The following PDE11A variants were observed in gnomAD, a reference collection of about 807,000 sequenced individuals.
PDE11A encodes phosphodiesterase 11A.
A neutral mutation model predicts 100.5 loss-of-function variants in PDE11A; 100 were observed. That is an observed-to-expected ratio of 1.00 (90% CI 0.85 to 1.18). PDE11A has a LOEUF of 1.18. Ranked by LOEUF, PDE11A falls within the 50% of genes most tolerant of loss-of-function variation. The pLI, the probability that PDE11A is intolerant of heterozygous loss-of-function variation, is 0.00. For synonymous variants in PDE11A, 381 were observed against 420.8 expected, an observed-to-expected ratio of 0.91 and a Z score of 1.16; for missense variants, 1,141 against 1,152.6, an observed-to-expected ratio of 0.99 and a Z score of 0.15.
chr2:177,675,104 TA>T (rs3835949), intron 17 of PDE11A, among the ~76,000 whole-genome samples: 9,372 of 150,924 alleles, frequency 0.062, 390 homozygotes, highest in East Asian at 0.2. Context: ...TTTCAGATAT[TA>T]AAAAAAAAGA....
At chr2:177,805,705 T>C (rs1477397619) in intron 9 of PDE11A, among the ~76,000 whole-genome samples, 2 of 152,156 alleles carry the variant, frequency 1.3e-5, no homozygotes, top group African/African-American at 4.8e-5. Context: ...CCTGACAAAA[T>C]ATCATGAAAT....
intron 9 of PDE11A, among the ~76,000 whole-genome samples, chr2:177,802,709 C>T (rs773167855): frequency 9.2e-5 from 14 of 151,732 alleles, no homozygotes; most frequent in Admixed American, 1.3e-4. Context: ...ATCCTGGGGA[C>T]GGAGCAAAAG....
chr2:177,881,700 T>G (rs2084346196), intron 4 of PDE11A, among the ~76,000 whole-genome samples: 4 of 152,266 alleles, frequency 2.6e-5, no homozygotes, highest in Admixed American at 2.6e-4. Context: ...GCCTACCACC[T>G]GTTTTTATTA....
chr2:177,935,961 A>G (rs2085267257), intron 2 of PDE11A, among the ~76,000 whole-genome samples: 1 of 151,546 alleles, frequency 6.6e-6, no homozygotes, highest in Non-Finnish European at 1.5e-5. Context: ...ACATAAAATC[A>G]CTCCTCAACA....
chr2:177,850,852 G>T (rs1444842641), intron 5 of PDE11A, among the ~76,000 whole-genome samples: 1 of 152,054 alleles, frequency 6.6e-6, no homozygotes, highest in Admixed American at 6.5e-5. Context: ...TCTCACACCA[G>T]TTAGAATGGC....
chr2:178,059,472 G>T (rs1383765906), intron 1 of PDE11A, among the ~76,000 whole-genome samples: 1 of 152,186 alleles, frequency 6.6e-6, no homozygotes, highest in Non-Finnish European at 1.5e-5. Flanking sequence ...GGGTCGGGTG[G>T]CTGCCTGCAG....
chr2:177,663,204 G>A (rs748227838), intron 19 of PDE11A, among the ~76,000 whole-genome samples: 3 of 146,584 alleles, frequency 2.0e-5, no homozygotes, highest in Admixed American at 6.7e-5. Flanking sequence ...CATTCAAAGC[G>A]ACACTTTTCT....
intron 5 of PDE11A, among the ~76,000 whole-genome samples, chr2:177,869,643 CT>C (rs1241798233): frequency 1.3e-5 from 2 of 152,248 alleles, no homozygotes; most frequent in Non-Finnish European, 2.9e-5. Context: ...TCTGTAATCT[CT>C]TTGGCTTGTA....
At chr2:177,855,047 T>C (rs1388590920) in intron 5 of PDE11A, among the ~76,000 whole-genome samples, 1 of 152,148 alleles carries the variant, frequency 6.6e-6, no homozygotes, top group Non-Finnish European at 1.5e-5. Flanking sequence ...TTTAATGTTA[T>C]AAAGGTTTTC....
chr2:177,689,012 G>A (rs1225807324), intron 15 of PDE11A, among the ~76,000 whole-genome samples: 1 of 152,178 alleles, frequency 6.6e-6, no homozygotes, highest in African/African-American at 2.4e-5. Flanking sequence ...TCTACTGAAA[G>A]TCCATAAACA....
rs753089654 is a variant in PDE11A at position 177,898,106 on chromosome 2, C to T, written c.1254G>A (p.Leu418=). ...KKIMHRAQTL[L]KCERCSVLLL... ...GTAAAACAGAACAGCGTTCACATTT[C>T]AGCAGAGTTTGGGCCCGATGCATTA... is the stretch of plus-strand genomic sequence containing the variant. The change falls in exon 4 of 20, where the codon CTG becomes CTA. Residue 418 remains leucine (L), a synonymous_variant. Coordinates refer to ENST00000286063, the MANE Select transcript of PDE11A (RefSeq NM_016953.4). The T allele has an allele frequency of 1.2e-6, 2 of 1,612,642 alleles. No individual in the cohort carries two copies. The highest frequency in any genetic ancestry group is 2.2e-5 in the South Asian group (2 of 91,038).
At chr2:177,644,550 A>G (rs1263276620) in intron 19 of PDE11A, among the ~76,000 whole-genome samples, 1 of 152,222 alleles carries the variant, frequency 6.6e-6, no homozygotes, top group African/African-American at 2.4e-5. Context: ...GCTCATAGGC[A>G]GAAGGGATTT....
At chr2:177,834,847 G>GT (rs148224967) in intron 6 of PDE11A, among the ~76,000 whole-genome samples, 1,808 of 149,912 alleles carry the variant, frequency 0.012, 33 homozygotes, top group African/African-American at 0.04. Context: ...CTATGCAAGA[G>GT]TTTTTTTTTT....
chr2:177,625,915 AC>A lies in PDE11A; in HGVS notation c.*3491del, dbSNP rs1459820798. 2.6e-5 allele frequency: 4 copies of A among 152,652 alleles called. No homozygotes were observed. The highest frequency in any genetic ancestry group is 6.5e-5 in the Admixed American group (1 of 15,284). The allele number at this position is 152,652 out of a possible 1,614,324, so 9.5% of individuals were successfully genotyped here. A position where few individuals can be genotyped will look rare whatever the true frequency, so the allele number is the denominator to read the frequency against. ...CTGCTTCATAGTCATGGAGACACAG[AC>A]CCATGGCATTAGTCAGCAGTTTCTA... On this transcript the variant is annotated 3_prime_UTR_variant, in exon 20 of 20. Transcript: ENST00000286063.
At chr2:177,637,900 T>TATATACATATATACACATACATATAC (rs2080066505) in intron 19 of PDE11A, among the ~76,000 whole-genome samples, 1 of 142,156 alleles carries the variant, frequency 7.0e-6, no homozygotes, top group Non-Finnish European at 1.5e-5. Flanking sequence ...TATATATATA[T>TATATACATATATACACATACATATAC]ACATATATAC....
chr2:177,796,548 G>C (rs1031203561), intron 9 of PDE11A, among the ~76,000 whole-genome samples: 2 of 152,134 alleles, frequency 1.3e-5, no homozygotes, highest in Non-Finnish European at 2.9e-5. Flanking sequence ...CTAGGGGGAA[G>C]GGGAGGTGAG....
chr2:178,000,244 A>G (rs1444030606), intron 2 of PDE11A, among the ~76,000 whole-genome samples: 3 of 152,210 alleles, frequency 2.0e-5, no homozygotes, highest in Admixed American at 6.5e-5. Flanking sequence ...TAAATATCCA[A>G]GTAGATTTTC....
chr2:177,845,028 T>C (rs1371646215), intron 5 of PDE11A, among the ~76,000 whole-genome samples: 3 of 151,932 alleles, frequency 2.0e-5, no homozygotes, highest in Non-Finnish European at 2.9e-5. Flanking sequence ...ATTGTCATCC[T>C]GGCCCGTTCT....
At position 178,099,163 on chromosome 2, in the gene PDE11A, C is replaced by T. The variant is rs1036123549; in HGVS notation, c.162+5139G>A. Reference sequence around the variant, plus strand: ...CAGTACGGCCAGGAACAGTGGCCCACGCCTGTAATCCCAGCACTTTGGGAG... The same window carrying T: ...CAGTACGGCCAGGAACAGTGGCCCATGCCTGTAATCCCAGCACTTTGGGAG... On this transcript the variant is annotated intron_variant, in intron 2 of 20. Coordinates refer to the PDE11A transcript ENST00000358450. 8.5e-5 allele frequency among the ~76,000 whole-genome samples: 13 copies of T among 152,290 alleles called. No homozygotes were observed. The East Asian group carries it at 1.7e-3, about 20-fold the overall frequency.
Sources: allele counts gnomAD v4.1 joint callset (sites outside exome capture counted in the v4.1 genomes callset), GRCh38; gene constraint gnomAD v4.1.1; transcripts MANE v1.5; gene names NCBI Gene and HGNC (gene_info 2026-07-23, HGNC 2026-07-21).